Variants in RIPOR1 observed in about 807,000 individuals in gnomAD.
RIPOR1 encodes the protein RHO family interacting cell polarization regulator 1.
Under a neutral mutation model 116.5 loss-of-function variants are expected in RIPOR1, and 58 were observed. That is an observed-to-expected ratio of 0.50 (90% CI 0.40 to 0.62). RIPOR1 has a LOEUF of 0.62. RIPOR1 is among the 20% of genes least tolerant of loss of function. The pLI is 0.00. For missense variants in RIPOR1, 1,372 were observed against 1,586.2 expected (o/e 0.86, Z 2.29); for synonymous variants, 605 against 650.0 (o/e 0.93, Z 1.05).
At chr16:67,522,489 A>AC (rs2050503836) in intron 1 of RIPOR1, among the ~76,000 whole-genome samples, 1 of 151,542 alleles carries the variant, frequency 6.6e-6, no homozygotes, top group African/African-American at 2.4e-5. Context: ...GGCGTGAGCC[A>AC]CCGCGCCTGG....
Position 67,530,029 on chromosome 16 carries a change from C to A in RIPOR1, c.-24+1115C>A. The A allele has an allele frequency of 1.6e-6, 1 of 640,190 alleles. No homozygotes were observed. The allele number at this position is 640,190 out of a possible 1,614,324, so 39.7% of individuals were successfully genotyped here. The stretch of plus-strand genomic sequence containing the variant: ...GGGACAAGGAGGACTGGCATAGCTC[C>A]TTCTTCCACCGCCCTCTCCGGCTTG... On this transcript the variant is annotated intron_variant, in intron 1 of 21. Transcript: ENST00000042381. This position sits in a 1 kb window ranked among gnomAD's most constrained non-coding sequence, Gnocchi z 4.5.
At chr16:67,526,183 C>T (rs1279973140), upstream of RIPOR1, among the ~76,000 whole-genome samples, 1 of 152,078 alleles carries the variant, frequency 6.6e-6, no homozygotes, top group South Asian at 2.1e-4. Flanking sequence ...GACACAGGTT[C>T]CCTGGAGGAA....
Position 67,537,470 on chromosome 16 carries a change from G to A in RIPOR1, c.-23-954G>A. The A allele has an allele frequency of 1.6e-6, 2 of 1,252,056 alleles. No homozygotes were observed. The highest frequency in any genetic ancestry group is 1.6e-5 in the African/African-American group (1 of 64,318). 77.6% of individuals were successfully genotyped at this position (1,252,056 alleles called of 1,614,324 possible). ...CGGCGCCGGGAGGAGCCGAAGCCGAGCCAGAGCCGCTGGGAGCGAGCCCGG... is the reference window on the plus strand; with the variant it reads ...CGGCGCCGGGAGGAGCCGAAGCCGAACCAGAGCCGCTGGGAGCGAGCCCGG... On this transcript the variant is annotated intron_variant, in intron 1 of 21. Coordinates refer to ENST00000042381, the MANE Select transcript of RIPOR1 (RefSeq NM_024519.4). This position sits in a 1 kb window ranked among gnomAD's most constrained non-coding sequence, Gnocchi z 4.6.
Position 67,541,881 on chromosome 16 carries a change from G to T in RIPOR1, c.1095G>T (p.Arg365=). The T allele has an allele frequency of 6.2e-7, 1 of 1,609,086 alleles. No individual in the cohort carries two copies. The change falls in exon 13 of 22, where the codon CGG becomes CGT. Residue 365 remains arginine, a synonymous_variant. Coordinates refer to ENST00000042381, the MANE Select transcript of RIPOR1 (RefSeq NM_024519.4). This position sits in a 1 kb window ranked among gnomAD's most constrained non-coding sequence, Gnocchi z 4.6. ...REQAFYNMLR[R]QEELENGTAW... Reference sequence around the variant, plus strand: ...CTCTTTCTCAGAACATGCTGCGACGGCAGGAGGAGCTGGAGAATGGGACAG... The same window carrying T: ...CTCTTTCTCAGAACATGCTGCGACGTCAGGAGGAGCTGGAGAATGGGACAG...
In RIPOR1 at chr16:67,543,239, T is replaced by C. The variant is rs774855543; in HGVS notation, c.2453T>C (p.Val818Ala). 6.3e-7 allele frequency: 1 copy of C among 1,586,692 alleles called. No homozygotes were observed. The highest frequency in any genetic ancestry group is 8.6e-7 in the Non-Finnish European group (1 of 1,164,662). Residue 818 changes from valine (V) to alanine (A), a missense_variant, in exon 13 of 22, where the codon GTG (valine) becomes GCG (alanine). Coordinates refer to ENST00000042381, the MANE Select transcript of RIPOR1 (RefSeq NM_024519.4). The surrounding 1 kb of genome is among the most constrained non-coding windows in gnomAD (Gnocchi z 4.7). ...FPELQGLEQE[V>A]TRLESLLMQR... is the part of the protein sequence containing the mutation. ...GAGCTGCAGGGCCTGGAGCAGGAGG[T>C]GACCCGCCTAGAAAGTCTGCTCATG... is the stretch of plus-strand genomic sequence containing the variant.
chr16:67,524,656 C>T (rs568507446), upstream of RIPOR1, among the ~76,000 whole-genome samples: 1 of 152,312 alleles, frequency 6.6e-6, no homozygotes, highest in Admixed American at 6.5e-5. Context: ...CACCATTATC[C>T]CACTATCCAC....
Position 67,531,554 on chromosome 16 carries a change from G to C in RIPOR1, c.-24+2640G>C, listed in dbSNP as rs1013459794. Reference sequence around the variant, plus strand: ...CATAGGGTAGACTTGAGGAAGGAGAGGGACTTGGGGCTGAGTAGTGGGAAG... The same window carrying C: ...CATAGGGTAGACTTGAGGAAGGAGACGGACTTGGGGCTGAGTAGTGGGAAG... On this transcript the variant is annotated intron_variant, in intron 1 of 21. Transcript: ENST00000042381. This position sits in a 1 kb window ranked among gnomAD's most constrained non-coding sequence, Gnocchi z 4.2. 1.9e-4 allele frequency: 84 copies of C among 446,050 alleles called. No individual in the cohort carries two copies. The highest frequency in any genetic ancestry group is 3.3e-4 in the Non-Finnish European group (74 of 222,128). The allele number at this position is 446,050 out of a possible 1,614,324, so 27.6% of individuals were successfully genotyped here. A position where few individuals can be genotyped will look rare whatever the true frequency, so the allele number is the denominator to read the frequency against.
chr16:67,520,363 G>A (rs1315049442), intron 1 of RIPOR1, among the ~76,000 whole-genome samples: 1 of 148,136 alleles, frequency 6.8e-6, no homozygotes, highest in African/African-American at 2.5e-5. Flanking sequence ...CCTGGTGACA[G>A]TGAGACCCCA....
In RIPOR1 at chr16:67,545,236, T is replaced by G; in HGVS notation, c.3031+119T>G. The G allele has an allele frequency of 6.5e-7, 1 of 1,529,238 alleles. No homozygotes were observed. The highest frequency in any genetic ancestry group is 8.9e-7 in the Non-Finnish European group (1 of 1,127,332). 94.7% of individuals were successfully genotyped at this position (1,529,238 alleles called of 1,614,324 possible). A position where few individuals can be genotyped will look rare whatever the true frequency, so the allele number is the denominator to read the frequency against. ...GGGCACCGAGGAGACCAGCAAAGACTTGGGCCTTAGAGCAGAAGGACCCAG... is the reference window on the plus strand; with the variant it reads ...GGGCACCGAGGAGACCAGCAAAGACGTGGGCCTTAGAGCAGAAGGACCCAG... On this transcript the variant is annotated intron_variant, in intron 17 of 21. Transcript: ENST00000042381. This position sits in a 1 kb window ranked among gnomAD's most constrained non-coding sequence, Gnocchi z 4.8.
chr16:67,535,273 G>A (rs2050764571), intron 1 of RIPOR1, among the ~76,000 whole-genome samples: 1 of 152,198 alleles, frequency 6.6e-6, no homozygotes, highest in South Asian at 2.1e-4. Flanking sequence ...TGAGGGCCTG[G>A]CCAAGGTTGA....
Position 67,531,970 on chromosome 16 carries a change from C to G in RIPOR1, c.-24+3056C>G, listed in dbSNP as rs2050672583. On this transcript the variant is annotated intron_variant, in intron 1 of 21. Coordinates refer to ENST00000042381, the MANE Select transcript of RIPOR1 (RefSeq NM_024519.4). This position sits in a 1 kb window ranked among gnomAD's most constrained non-coding sequence, Gnocchi z 4.2. The stretch of plus-strand genomic sequence containing the variant: ...GTAGTGGTGAGATCTTGGCTCACTG[C>G]AAGCTCCACCTCCCGGGCTCATGCC... 6.6e-6 allele frequency among the ~76,000 whole-genome samples: 1 copy of G among 152,124 alleles called. No homozygotes were observed. Among genetic ancestry groups the G allele is most frequent in the Admixed American group, 6.5e-5 (1 of 15,282 alleles).
rs1481172541 is a variant in RIPOR1 at position 67,545,655 on chromosome 16, T to G, written c.3191-9T>G. The G allele has an allele frequency of 1.3e-5, 19 of 1,408,304 alleles. No homozygotes were observed. Among genetic ancestry groups the G allele is most frequent in the Non-Finnish European group, 1.8e-5 (19 of 1,039,746 alleles). The allele number at this position is 1,408,304 out of a possible 1,614,324, so 87.2% of individuals were successfully genotyped here. On this transcript the variant is annotated splice_polypyrimidine_tract_variant and intron_variant, in intron 18 of 21. Coordinates refer to ENST00000042381, the MANE Select transcript of RIPOR1 (RefSeq NM_024519.4). This position sits in a 1 kb window ranked among gnomAD's most constrained non-coding sequence, Gnocchi z 4.8. Reference sequence around the variant, plus strand: ...TTGCCCACCCACCCACCATATCCCCTTTTTTCAGTGCTACTGGTGCGGAAT... The same window carrying G: ...TTGCCCACCCACCCACCATATCCCCGTTTTTCAGTGCTACTGGTGCGGAAT...
chr16:67,529,944 CGTGGTATTGGAGGGAGGAGAGGAAT>C lies in RIPOR1; in HGVS notation c.-24+1032_-24+1056del. The C allele has an allele frequency of 1.2e-6, 1 of 868,144 alleles. No homozygotes were observed. The highest frequency in any genetic ancestry group is 1.9e-6 in the Non-Finnish European group (1 of 536,720). The allele number at this position is 868,144 out of a possible 1,614,324, so 53.8% of individuals were successfully genotyped here. On this transcript the variant is annotated intron_variant, in intron 1 of 21. Coordinates refer to ENST00000042381, the MANE Select transcript of RIPOR1 (RefSeq NM_024519.4). The surrounding 1 kb of genome is among the most constrained non-coding windows in gnomAD (Gnocchi z 4.1). ...TCCTTGCCCCTGCGACACCCACCTC[CGTGGTATTGGAGGGAGGAGAGGAAT>C]GATAATTGGGGGCTGAGGTACAAAA...
Position 67,545,725 on chromosome 16 carries a change from G to A in RIPOR1, c.3252G>A (p.Leu1084=). 6.3e-7 allele frequency: 1 copy of A among 1,599,370 alleles called. No homozygotes were observed. The highest frequency in any genetic ancestry group is 2.2e-5 in the East Asian group (1 of 44,786). Residue 1084 remains leucine (L), a synonymous_variant, in exon 19 of 22, where the codon TTG becomes TTA. Transcript: ENST00000042381. The surrounding 1 kb of genome is among the most constrained non-coding windows in gnomAD (Gnocchi z 4.8). ...DQAVVLKALR[L]APEGRLRRDG... ...CTGTTGTGCTGAAGGCCCTGAGATTGGCGCCCGAGGGGCGTCTGCGAAGGG... is the reference window on the plus strand; with the variant it reads ...CTGTTGTGCTGAAGGCCCTGAGATTAGCGCCCGAGGGGCGTCTGCGAAGGG...
chr16:67,529,619 C>T lies in RIPOR1; in HGVS notation c.-24+705C>T, dbSNP rs2050599842. On this transcript the variant is annotated intron_variant, in intron 1 of 21. Coordinates refer to ENST00000042381, the MANE Select transcript of RIPOR1 (RefSeq NM_024519.4). This position sits in a 1 kb window ranked among gnomAD's most constrained non-coding sequence, Gnocchi z 4.1. ...TCGGATTCAGTCCAGATTCAGCACCCTTTGTCCTCCTCTCCAGGGTGAGCC... is the reference window on the plus strand; with the variant it reads ...TCGGATTCAGTCCAGATTCAGCACCTTTTGTCCTCCTCTCCAGGGTGAGCC... 1.4e-6 allele frequency: 1 copy of T among 720,246 alleles called. No individual in the cohort carries two copies. The highest frequency in any genetic ancestry group is 2.3e-6 in the Non-Finnish European group (1 of 442,516). 44.6% of individuals were successfully genotyped at this position (720,246 alleles called of 1,614,324 possible). A position where few individuals can be genotyped will look rare whatever the true frequency, so the allele number is the denominator to read the frequency against.
At chr16:67,523,355 GT>G (rs746175240) in intron 1 of RIPOR1, among the ~76,000 whole-genome samples, 8 of 151,694 alleles carry the variant, frequency 5.3e-5, no homozygotes, top group Non-Finnish European at 7.4e-5. Flanking sequence ...GTGAAACCCT[GT>G]CTCTACTAAA....
rs530997383 is a variant in RIPOR1 at position 67,531,281 on chromosome 16, C to T, written c.-24+2367C>T. 9.9e-5 allele frequency among the ~76,000 whole-genome samples: 15 copies of T among 151,960 alleles called. No individual in the cohort carries two copies. Among genetic ancestry groups the T allele is most frequent in the Non-Finnish European group, 2.2e-4 (15 of 67,994 alleles). On this transcript the variant is annotated intron_variant, in intron 1 of 21. Coordinates refer to ENST00000042381, the MANE Select transcript of RIPOR1 (RefSeq NM_024519.4). The surrounding 1 kb of genome is among the most constrained non-coding windows in gnomAD (Gnocchi z 4.2). ...TCCCCACCAACAAACAGCTCAGGAC[C>T]TGCTGTTCCTGTGTCTAGGCAGCCC... is the stretch of plus-strand genomic sequence containing the variant.
Position 67,538,711 on chromosome 16 carries a change from G to GC in RIPOR1, c.150dup (p.Ala51ArgfsTer67), listed in dbSNP as rs763705850. On this transcript the variant is annotated frameshift_variant, in exon 3 of 22. Coordinates refer to ENST00000042381, the MANE Select transcript of RIPOR1 (RefSeq NM_024519.4). LOFTEE classifies it high-confidence loss of function. ...TCAGCCCGCCGGGGCCCCCACGGAA[G>GC]CCCCCCGCGCTCTCCCGAGTGTCCA... 1.9e-6 allele frequency: 3 copies of GC among 1,613,290 alleles called. No homozygotes were observed.
chr16:67,540,833 A>C lies in RIPOR1; in HGVS notation c.801+129A>C. 2.0e-6 allele frequency: 2 copies of C among 990,678 alleles called. No individual in the cohort carries two copies. The highest frequency in any genetic ancestry group is 1.5e-6 in the Non-Finnish European group (1 of 666,208). The allele number at this position is 990,678 out of a possible 1,614,324, so 61.4% of individuals were successfully genotyped here. A position where few individuals can be genotyped will look rare whatever the true frequency, so the allele number is the denominator to read the frequency against. On this transcript the variant is annotated intron_variant, in intron 10 of 21. Transcript: ENST00000042381. This position sits in a 1 kb window ranked among gnomAD's most constrained non-coding sequence, Gnocchi z 4.7. Reference sequence around the variant, plus strand: ...AGCCCTGTGAAGATATGATTCCATGACCTTCATGATCTCTGTGGCCCTGAG... The same window carrying C: ...AGCCCTGTGAAGATATGATTCCATGCCCTTCATGATCTCTGTGGCCCTGAG...
Sources: allele counts gnomAD v4.1 joint callset (sites outside exome capture counted in the v4.1 genomes callset), GRCh38; gene constraint gnomAD v4.1.1; non-coding constraint Gnocchi (gnomAD v3.1); transcripts MANE v1.5; gene names NCBI Gene and HGNC (gene_info 2026-07-23, HGNC 2026-07-21).